Variants in KCNC2 observed in about 807,000 individuals in gnomAD.
KCNC2 encodes the protein voltage-gated potassium channel KCNC2.
KCNC2 carries 21 observed loss-of-function variants against 44.5 expected under a neutral mutation model. The observed-to-expected ratio is 0.47, with a 90% CI of 0.33 to 0.68. KCNC2 has a LOEUF of 0.68. Among genes scored for constraint, KCNC2 ranks in the 30% least tolerant of loss-of-function variants. The pLI, the probability that KCNC2 is intolerant of heterozygous loss-of-function variation, is 0.01. For missense variants in KCNC2, 589 were observed against 826.2 expected (o/e 0.71, Z 3.52); for synonymous variants, 391 against 339.1 (o/e 1.15, Z -1.68).
chr12:75,043,917 G>A, intron 4 of KCNC2: 1 of 677,560 alleles, frequency 1.5e-6, no homozygotes, highest in Non-Finnish European at 2.3e-6. Flanking sequence ...GATGTTTTCA[G>A]CTGATTTCCA....
chr12:75,122,745 A>G (rs762026817), intron 2 of KCNC2, among the ~76,000 whole-genome samples: 5 of 152,160 alleles, frequency 3.3e-5, no homozygotes, highest in Non-Finnish European at 7.4e-5. Flanking sequence ...ATCATCTAGT[A>G]TTTGCTAAGG....
intron 2 of KCNC2, among the ~76,000 whole-genome samples, chr12:75,138,044 ATGCTG>A (rs1273786203): frequency 1.3e-5 from 2 of 152,222 alleles, no homozygotes; most frequent in East Asian, 3.9e-4. Flanking sequence ...ACAGTTACCC[ATGCTG>A]TGGTCTCACA....
intron 2 of KCNC2, among the ~76,000 whole-genome samples, chr12:75,079,731 T>G (rs1884312422): frequency 6.6e-6 from 1 of 152,070 alleles, no homozygotes; most frequent in African/African-American, 2.4e-5. Flanking sequence ...AATTGCGAGC[T>G]GGAGTTTTTA....
chr12:75,066,604 T>A (rs1351561701), intron 2 of KCNC2, among the ~76,000 whole-genome samples: 1 of 152,198 alleles, frequency 6.6e-6, no homozygotes, highest in East Asian at 1.9e-4. Context: ...TTAAACCAGT[T>A]TTCTTTCATC....
At chr12:75,103,361 A>G (rs1321404494) in intron 2 of KCNC2, among the ~76,000 whole-genome samples, 1 of 152,178 alleles carries the variant, frequency 6.6e-6, no homozygotes, top group Non-Finnish European at 1.5e-5. Context: ...AGCCTGAAAA[A>G]TCAGCCATTC....
At chr12:75,173,343 G>A (rs567390169) in intron 2 of KCNC2, among the ~76,000 whole-genome samples, 1 of 151,936 alleles carries the variant, frequency 6.6e-6, no homozygotes, top group East Asian at 1.9e-4. Context: ...GTGGTTCTGA[G>A]AGCTAATCTA....
At chr12:75,156,053 C>T (rs1261685730) in intron 2 of KCNC2, among the ~76,000 whole-genome samples, 1 of 151,762 alleles carries the variant, frequency 6.6e-6, no homozygotes, top group East Asian at 2.0e-4. Flanking sequence ...TTTCAGGTCA[C>T]CAGGAGAGAA....
intron 2 of KCNC2, among the ~76,000 whole-genome samples, chr12:75,197,706 C>T (rs1593078645): frequency 6.6e-6 from 1 of 151,800 alleles, no homozygotes; most frequent in South Asian, 2.1e-4. Context: ...TTTTCTTTCC[C>T]AGTTTGTTTA....
At chr12:75,165,658 T>C (rs768713655) in intron 2 of KCNC2, among the ~76,000 whole-genome samples, 34 of 151,644 alleles carry the variant, frequency 2.2e-4, no homozygotes, top group Non-Finnish European at 4.0e-4. Flanking sequence ...GTTAGGTCCA[T>C]CAAAATTACA....
chr12:75,173,236 A>G (rs944757865), intron 2 of KCNC2, among the ~76,000 whole-genome samples: 3 of 151,956 alleles, frequency 2.0e-5, no homozygotes, highest in Admixed American at 6.6e-5. Context: ...AGATTGTATT[A>G]GATTAGTTAA....
At chr12:75,117,414 G>T (rs985500802) in intron 2 of KCNC2, among the ~76,000 whole-genome samples, 26 of 152,312 alleles carry the variant, frequency 1.7e-4, no homozygotes, top group African/African-American at 6.0e-4. Context: ...CAAAAAGACT[G>T]CAACACTGAC....
chr12:75,198,535 T>G (rs2030968616), intron 2 of KCNC2, among the ~76,000 whole-genome samples: 1 of 151,808 alleles, frequency 6.6e-6, no homozygotes, highest in Non-Finnish European at 1.5e-5. Context: ...CAGAACAACT[T>G]AAATGATAAG....
chr12:75,111,201 A>C (rs1887208645), intron 2 of KCNC2, among the ~76,000 whole-genome samples: 1 of 152,156 alleles, frequency 6.6e-6, no homozygotes, highest in South Asian at 2.1e-4. Context: ...CTGTGTTCAT[A>C]AAGGAAGATA....
intron 2 of KCNC2, among the ~76,000 whole-genome samples, chr12:75,114,838 G>C (rs1275411171): frequency 6.9e-6 from 1 of 145,172 alleles, no homozygotes; most frequent in Non-Finnish European, 1.5e-5. Flanking sequence ...AAAAGCTCCA[G>C]TCAACATTCA....
chr12:75,155,771 C>A (rs1890714754), intron 2 of KCNC2, among the ~76,000 whole-genome samples: 1 of 151,440 alleles, frequency 6.6e-6, no homozygotes, highest in Non-Finnish European at 1.5e-5. Flanking sequence ...GAGCACAGTT[C>A]ACTAATGACA....
Position 75,043,154 on chromosome 12 carries a change from G to A in KCNC2, c.1868C>T (p.Ser623Phe), listed in dbSNP as rs760334081. The change falls in exon 5 of 5, where the codon TCT (serine) becomes TTT (phenylalanine). Residue 623 changes from serine to phenylalanine, a missense_variant. Physicochemically the swap from Ser to Phe is radical, Grantham distance 155 (BLOSUM62 -2). Coordinates refer to ENST00000549446, the MANE Select transcript of KCNC2 (RefSeq NM_139137.4). ...RLSPVTSPYN[S>F]PCPLRRSRSP... ...TCGAGAGCGCCTCAGAGGACAAGGAGAGTTGTAGGGTGATGTTACTGGAGA... is the reference window on the plus strand; with the variant it reads ...TCGAGAGCGCCTCAGAGGACAAGGAAAGTTGTAGGGTGATGTTACTGGAGA... 1 of 1,612,526 alleles carries A rather than the reference G, an allele frequency of 6.2e-7. No homozygotes were observed. Among genetic ancestry groups the A allele is most frequent in the Non-Finnish European group, 8.5e-7 (1 of 1,179,036 alleles).
chr12:75,149,589 C>A (rs1288379880), intron 2 of KCNC2, among the ~76,000 whole-genome samples: 1 of 151,682 alleles, frequency 6.6e-6, no homozygotes, highest in Admixed American at 6.6e-5. Flanking sequence ...CATTTTAGTT[C>A]AAATCTTATA....
chr12:75,188,545 T>C (rs1026983635), intron 2 of KCNC2, among the ~76,000 whole-genome samples: 2 of 152,078 alleles, frequency 1.3e-5, no homozygotes, highest in Admixed American at 6.6e-5. Flanking sequence ...TATCATACTT[T>C]ATCTGGCAGT....
chr12:75,098,427 T>G (rs916061182), intron 2 of KCNC2, among the ~76,000 whole-genome samples: 9 of 152,172 alleles, frequency 5.9e-5, no homozygotes, highest in African/African-American at 1.9e-4. Flanking sequence ...AAATCCCTTT[T>G]CTCCGTGGAA....
Sources: allele counts gnomAD v4.1 joint callset (sites outside exome capture counted in the v4.1 genomes callset), GRCh38; gene constraint gnomAD v4.1.1; transcripts MANE v1.5; gene names NCBI Gene and HGNC (gene_info 2026-07-23, HGNC 2026-07-21).